The following DAB1 variants were observed in gnomAD, a reference collection of about 807,000 sequenced individuals.
DAB1 encodes the protein DAB adaptor protein 1.
A neutral mutation model predicts 64.6 loss-of-function variants in DAB1; 15 were observed. The observed-to-expected ratio is 0.23, with a 90% CI of 0.16 to 0.36. The LOEUF (loss-of-function observed/expected upper bound fraction) is 0.36, where lower values mean the gene tolerates loss of function less well. Ranked by LOEUF, DAB1 falls within the 10% of genes least tolerant of loss-of-function variation. DAB1 has a pLI of 1.00. For missense variants in DAB1, 596 were observed against 706.7 expected (o/e 0.84, Z 1.78); for synonymous variants, 235 against 251.9 (o/e 0.93, Z 0.64).
intron 3 of DAB1, chr1:58,480,663 C>T (rs1645464561): frequency 4.7e-6 from 1 of 211,534 alleles, no homozygotes; most frequent in South Asian, 9.4e-5. Context: ...CGTATGGGCT[C>T]ATTTCTCATC....
At chr1:58,496,182 G>A (rs984361112) in intron 3 of DAB1, among the ~76,000 whole-genome samples, 3 of 148,382 alleles carry the variant, frequency 2.0e-5, no homozygotes, top group African/African-American at 7.4e-5. Flanking sequence ...TTTTTTTTTG[G>A]CTTTGGGCAT....
intron 6 of DAB1, among the ~76,000 whole-genome samples, chr1:57,687,949 T>G (rs550576380): frequency 1.1e-4 from 16 of 152,134 alleles, no homozygotes; most frequent in Middle Eastern, 3.4e-3. Flanking sequence ...AGAAATCAAA[T>G]TATAAAAATC....
chr1:58,013,910 T>C (rs1646704419), intron 5 of DAB1, among the ~76,000 whole-genome samples: 1 of 151,960 alleles, frequency 6.6e-6, no homozygotes, highest in Non-Finnish European at 1.5e-5. Context: ...TTTTTTTTCT[T>C]TTTAAGATGA....
intron 6 of DAB1, among the ~76,000 whole-genome samples, chr1:57,687,751 A>AG (rs1646718231): frequency 6.6e-6 from 1 of 152,132 alleles, no homozygotes; most frequent in African/African-American, 2.4e-5. Flanking sequence ...CAGAGAACCC[A>AG]GAAAAAAAGC....
At position 57,343,740 on chromosome 1, in the gene DAB1, G is replaced by A. The variant is rs200108376; in HGVS notation, c.-136-52574C>T. Among the ~76,000 whole-genome samples, 13 of 152,334 alleles carry A rather than the reference G, an allele frequency of 8.5e-5. No homozygotes were observed. In the East Asian group the frequency reaches 1.7e-3, roughly 20 times the overall value. On this transcript the variant is annotated intron_variant, in intron 1 of 14. Transcript: ENST00000371236. ...GAGCCCACGCCCACCCAGAACTCGC[G>A]CTGGCCCGCAAGCACGGTGTGCAGC...
intron 7 of DAB1, among the ~76,000 whole-genome samples, chr1:57,448,651 C>T (rs1686237937): frequency 6.6e-6 from 1 of 152,094 alleles, no homozygotes; most frequent in Admixed American, 6.5e-5. Context: ...TACTTGCTTT[C>T]AAGAAGTGGA....
At chr1:58,199,804 T>C (rs1346856038) in intron 4 of DAB1, among the ~76,000 whole-genome samples, 2 of 152,178 alleles carry the variant, frequency 1.3e-5, no homozygotes, top group Non-Finnish European at 2.9e-5. Flanking sequence ...CCACCAAATA[T>C]TATTTCTTGT....
At chr1:57,269,949 A>T (rs879769432) in intron 2 of DAB1, among the ~76,000 whole-genome samples, 21 of 152,218 alleles carry the variant, frequency 1.4e-4, no homozygotes, top group Admixed American at 6.5e-4. Flanking sequence ...CGAGAATTAC[A>T]AAAGTCGATC....
chr1:57,943,581 T>C (rs1025447037), intron 5 of DAB1, among the ~76,000 whole-genome samples: 1 of 152,136 alleles, frequency 6.6e-6, no homozygotes, highest in Admixed American at 6.5e-5. Context: ...GTACAGCCTA[T>C]AGGAATAATA....
At chr1:57,356,447 C>T (rs1679107611) in intron 1 of DAB1, among the ~76,000 whole-genome samples, 2 of 152,162 alleles carry the variant, frequency 1.3e-5, no homozygotes, top group South Asian at 2.1e-4. Context: ...TTGTTTTATG[C>T]TTTTGATGAT....
At chr1:58,297,458 A>G (rs1028026189) in intron 4 of DAB1, among the ~76,000 whole-genome samples, 1 of 152,136 alleles carries the variant, frequency 6.6e-6, no homozygotes, top group Non-Finnish European at 1.5e-5. Context: ...TCATCTCAGA[A>G]CTCAACCCAA....
At chr1:58,320,634 GA>G (rs1662658660) in intron 4 of DAB1, among the ~76,000 whole-genome samples, 2 of 152,198 alleles carry the variant, frequency 1.3e-5, no homozygotes, top group South Asian at 4.1e-4. Flanking sequence ...CTGAGAAAAA[GA>G]AACCTGACCT....
At chr1:58,233,533 G>T (rs1203570386) in intron 4 of DAB1, among the ~76,000 whole-genome samples, 1 of 152,174 alleles carries the variant, frequency 6.6e-6, no homozygotes, top group Non-Finnish European at 1.5e-5. Context: ...TGTTACCAGG[G>T]TCTGCCCTTA....
chr1:58,325,305 G>T lies in DAB1; in HGVS notation n.309+18047C>A, dbSNP rs568166303. Reference sequence around the variant, plus strand: ...TTATCATTTTTTAAAATCAGAGCTAGTATTTCTTTGTAATTATTTTTTCTG... The same window carrying T: ...TTATCATTTTTTAAAATCAGAGCTATTATTTCTTTGTAATTATTTTTTCTG... On this transcript the variant is annotated intron_variant and non_coding_transcript_variant, in intron 4 of 20. Coordinates refer to the DAB1 transcript ENST00000485760. Among the ~76,000 whole-genome samples the T allele has an allele frequency of 2.0e-5, 3 of 152,192 alleles. No homozygotes were observed. The East Asian group carries it at 5.8e-4, about 29-fold the overall frequency.
At chr1:57,449,526 G>A (rs939889169) in intron 7 of DAB1, among the ~76,000 whole-genome samples, 3 of 151,972 alleles carry the variant, frequency 2.0e-5, no homozygotes, top group Middle Eastern at 3.2e-3. Context: ...TACTACAGGT[G>A]CACTCTGCTA....
chr1:58,147,983 G>GAAAAAAAAAAAAA (rs58099365), intron 5 of DAB1, among the ~76,000 whole-genome samples: 1 of 113,554 alleles, frequency 8.8e-6, no homozygotes, highest in Non-Finnish European at 2.0e-5. Context: ...TATAGCTGGA[G>GAAAAAAAAAAAAA]AAAAAAAAAA....
intron 2 of DAB1, among the ~76,000 whole-genome samples, chr1:58,506,394 G>A (rs181531567): frequency 3.0e-3 from 458 of 152,108 alleles, no homozygotes; most frequent in Non-Finnish European, 3.9e-3. Context: ...CCATTAACTC[G>A]TCATTTAGCA....
intron 1 of DAB1, among the ~76,000 whole-genome samples, chr1:57,346,555 A>T (rs1678118445): frequency 6.6e-6 from 1 of 152,204 alleles, no homozygotes; most frequent in South Asian, 2.1e-4. Flanking sequence ...TTATAAATTT[A>T]TTAATAAATT....
chr1:58,449,447 A>G (rs1645108665), intron 3 of DAB1, among the ~76,000 whole-genome samples: 1 of 152,228 alleles, frequency 6.6e-6, no homozygotes. Flanking sequence ...TAGAAAACCA[A>G]GCAGATGGAA....
Sources: allele counts gnomAD v4.1 joint callset (sites outside exome capture counted in the v4.1 genomes callset), GRCh38; gene constraint gnomAD v4.1.1; transcripts MANE v1.5; gene names NCBI Gene and HGNC (gene_info 2026-07-23, HGNC 2026-07-21).